The following SAMD5 variants were observed in gnomAD, a reference collection of about 807,000 sequenced individuals.
The protein encoded by SAMD5 is sterile alpha motif domain-containing protein 5.
A neutral mutation model predicts 11.3 loss-of-function variants in SAMD5; 13 were observed. The observed-to-expected ratio is 1.15, with a 90% CI of 0.75 to 1.83. The LOEUF (loss-of-function observed/expected upper bound fraction) is 1.83. Among genes scored for constraint, SAMD5 ranks in the 40% most tolerant of loss-of-function variants. SAMD5 has a pLI of 0.00. For synonymous variants in SAMD5, 129 were observed against 111.3 expected, an observed-to-expected ratio of 1.16 and a Z score of -1.00; for missense variants, 255 against 239.1, an observed-to-expected ratio of 1.07 and a Z score of -0.44.
At chr6:147,570,463 T>C (rs188196428), downstream of SAMD5, among the ~76,000 whole-genome samples, 74 of 152,290 alleles carry the variant, frequency 4.9e-4, no homozygotes, top group African/African-American at 1.7e-3. Context: ...TCCGTGTTCA[T>C]TAGACGCAGA....
the SAMD5 span, among the ~76,000 whole-genome samples, chr6:147,863,326 A>G: frequency 1.3e-5 from 2 of 152,200 alleles, no homozygotes; most frequent in Non-Finnish European, 2.9e-5. Flanking sequence ...GAAAACTGGC[A>G]GGGGAGACTG....
intron 1 of SAMD5, among the ~76,000 whole-genome samples, chr6:147,599,293 C>A (rs844608): frequency 0.086 from 13,091 of 152,116 alleles, 904 homozygotes; most frequent in African/African-American, 0.19. Flanking sequence ...ACAAACAGGG[C>A]TAAGAGCTTT....
At chr6:147,677,318 T>C (rs1386263288) in intron 1 of SAMD5, among the ~76,000 whole-genome samples, 1 of 151,942 alleles carries the variant, frequency 6.6e-6, no homozygotes, top group Non-Finnish European at 1.5e-5. Flanking sequence ...AGTTCCTGAA[T>C]GAGGTGGAGG....
the SAMD5 span, among the ~76,000 whole-genome samples, chr6:147,931,126 C>T: frequency 6.6e-6 from 1 of 152,154 alleles, no homozygotes; most frequent in East Asian, 1.9e-4. Flanking sequence ...GAAGAACATT[C>T]CAAATAGAGG....
chr6:147,919,291 A>G, the SAMD5 span, among the ~76,000 whole-genome samples: 5 of 152,194 alleles, frequency 3.3e-5, no homozygotes, highest in Non-Finnish European at 7.4e-5. Context: ...GGCTACCACC[A>G]TGTTCATCAC....
intron 1 of SAMD5, among the ~76,000 whole-genome samples, chr6:147,652,476 C>CA (rs1790499382): frequency 6.6e-6 from 1 of 152,190 alleles, no homozygotes; most frequent in African/African-American, 2.4e-5. Flanking sequence ...GACATTGAGA[C>CA]ACCATGGATC....
At chr6:147,909,575 T>TTCCTTCCTTCCTTC in the SAMD5 span, among the ~76,000 whole-genome samples, 1 of 57,088 alleles carries the variant, frequency 1.8e-5, no homozygotes, top group African/African-American at 1.1e-4. Flanking sequence ...TTTCTTTCTT[T>TTCCTTCCTTCCTTC]CTTTCTTTCT....
chr6:147,744,293 T>C, the SAMD5 span, among the ~76,000 whole-genome samples: 1 of 152,174 alleles, frequency 6.6e-6, no homozygotes, highest in Non-Finnish European at 1.5e-5. Context: ...GAACTAATAT[T>C]TGTGAAGAAA....
the SAMD5 span, among the ~76,000 whole-genome samples, chr6:147,861,555 C>G: frequency 6.6e-6 from 1 of 152,154 alleles, no homozygotes; most frequent in African/African-American, 2.4e-5. Context: ...CACTTACAGT[C>G]TAGGTTTCTA....
At chr6:147,796,623 T>C in the SAMD5 span, among the ~76,000 whole-genome samples, 1 of 152,210 alleles carries the variant, frequency 6.6e-6, no homozygotes. Context: ...GGTAGCTTGA[T>C]GGGGATGGCA....
intron 1 of SAMD5, among the ~76,000 whole-genome samples, chr6:147,521,499 G>A (rs1309406760): frequency 2.6e-5 from 4 of 151,910 alleles, no homozygotes; most frequent in African/African-American, 2.4e-5. Context: ...TTTCAAATTG[G>A]AGAAATAGAG....
chr6:147,889,000 T>A, the SAMD5 span, among the ~76,000 whole-genome samples: 1 of 152,248 alleles, frequency 6.6e-6, no homozygotes, highest in African/African-American at 2.4e-5. Flanking sequence ...GTTGACCTTT[T>A]TGGACCTGTA....
downstream of SAMD5, among the ~76,000 whole-genome samples, chr6:147,740,965 G>C (rs1226102717): frequency 6.6e-6 from 1 of 152,224 alleles, no homozygotes; most frequent in East Asian, 1.9e-4. Context: ...ATACAGGCTG[G>C]GATTCAAAAT....
the SAMD5 span, among the ~76,000 whole-genome samples, chr6:147,860,110 G>GCT: frequency 9.9e-5 from 15 of 151,860 alleles, no homozygotes; most frequent in Non-Finnish European, 1.9e-4. Context: ...GCAGGGCCTT[G>GCT]CTCTCTCTCT....
intron 1 of SAMD5, among the ~76,000 whole-genome samples, chr6:147,661,851 G>A (rs1356373869): frequency 6.6e-6 from 1 of 152,046 alleles, no homozygotes. Context: ...GGCTGGTCTC[G>A]AACTCTTGAC....
At position 147,614,011 on chromosome 6, in the gene SAMD5, G is replaced by A. The variant is rs570982517; in HGVS notation, c.162+104624G>A. On this transcript the variant is annotated intron_variant, in intron 1 of 1. Coordinates refer to the SAMD5 transcript ENST00000566741. ...CACCACAGGTGGCAAAATGAAATGT[G>A]TTTTAAAGAAGGCAACAAGAGCAGA... is the stretch of plus-strand genomic sequence containing the variant. 7.0e-4 allele frequency among the ~76,000 whole-genome samples: 106 copies of A among 152,092 alleles called. 2 individuals are homozygous for A. The highest frequency in any genetic ancestry group is 2.5e-3 in the African/African-American group (103 of 41,358).
At chr6:147,575,149 T>C (rs1346066138) in intron 1 of SAMD5, among the ~76,000 whole-genome samples, 1 of 152,256 alleles carries the variant, frequency 6.6e-6, no homozygotes, top group Non-Finnish European at 1.5e-5. Context: ...GGTAATTCTA[T>C]AGGACTTTTG....
At chr6:147,819,259 T>C in the SAMD5 span, among the ~76,000 whole-genome samples, 8 of 152,114 alleles carry the variant, frequency 5.3e-5, no homozygotes, top group African/African-American at 1.7e-4. Context: ...TTCTCAGTTA[T>C]AAGTGGAGCT....
chr6:147,940,549 TG>T, the SAMD5 span, among the ~76,000 whole-genome samples: 1 of 152,224 alleles, frequency 6.6e-6, no homozygotes, highest in African/African-American at 2.4e-5. Flanking sequence ...GAAAATTTTA[TG>T]ACCTGAAAAG....
Sources: allele counts gnomAD v4.1 joint callset (sites outside exome capture counted in the v4.1 genomes callset), GRCh38; gene constraint gnomAD v4.1.1; transcripts MANE v1.5; gene names NCBI Gene and HGNC (gene_info 2026-07-23, HGNC 2026-07-21).